The following APOOL variants were observed in gnomAD, a reference collection of about 807,000 sequenced individuals.
APOOL encodes apolipoprotein O like.
Under a neutral mutation model 23.1 loss-of-function variants are expected in APOOL, and 12 were observed. That is an observed-to-expected ratio of 0.52 (90% CI 0.33 to 0.84). APOOL has a LOEUF of 0.84. APOOL is among the 40% of genes least tolerant of loss of function. The probability of loss-of-function intolerance (pLI) is 0.02; values close to 1 mark genes in which losing one functional copy is unlikely to be tolerated. For synonymous variants in APOOL, 77 were observed against 69.9 expected, an observed-to-expected ratio of 1.10 and a Z score of -0.51; for missense variants, 212 against 199.6, an observed-to-expected ratio of 1.06 and a Z score of -0.37.
At chrX:85,079,389 C>T (rs1011583503) in intron 8 of APOOL, among the ~76,000 whole-genome samples, 1 of 111,659 alleles carries the variant, frequency 9.0e-6, no homozygotes, top group Non-Finnish European at 1.9e-5. Flanking sequence ...TGCTGGATTA[C>T]ATTTATTGAT....
In APOOL at chrX:85,052,336, C is replaced by A. The variant is rs747150712; in HGVS notation, c.240+828C>A. ...ACTTTAATGCTTAGCCTTCAATCAGCAATATCCATCAGCAGAGTGGTGGAG... is the reference window on the plus strand; with the variant it reads ...ACTTTAATGCTTAGCCTTCAATCAGAAATATCCATCAGCAGAGTGGTGGAG... On this transcript the variant is annotated intron_variant, in intron 3 of 8. Coordinates refer to ENST00000373173, the MANE Select transcript of APOOL (RefSeq NM_198450.6). 2.7e-5 allele frequency among the ~76,000 whole-genome samples: 3 copies of A among 112,004 alleles called. No individual in the cohort carries two copies. The South Asian group carries it at 1.1e-3, about 42-fold the overall frequency.
intron 1 of APOOL, among the ~76,000 whole-genome samples, chrX:85,037,644 A>G (rs747478914): frequency 1.8e-5 from 2 of 111,627 alleles, no homozygotes; most frequent in Admixed American, 9.5e-5. Flanking sequence ...ACATAGACCA[A>G]TGGAACAGAA....
rs1835168510 is a variant in APOOL at position 85,020,562 on chromosome X, C to G, written c.15+16635C>G. 2.7e-5 allele frequency among the ~76,000 whole-genome samples: 3 copies of G among 111,556 alleles called. No homozygotes were observed. The Admixed American group carries it at 2.8e-4, about 11-fold the overall frequency. On this transcript the variant is annotated intron_variant, in intron 1 of 8. Coordinates refer to ENST00000373173, the MANE Select transcript of APOOL (RefSeq NM_198450.6). ...CTAGCACCAGGCTGCATCCCACAGA[C>G]CCGGGCTCCAGACTTATGCAGCAGA... is the stretch of plus-strand genomic sequence containing the variant.
intron 1 of APOOL, among the ~76,000 whole-genome samples, chrX:85,039,117 A>C (rs1922323831): frequency 9.0e-6 from 1 of 110,787 alleles, no homozygotes; most frequent in Admixed American, 9.7e-5. Context: ...TGTTTTCATT[A>C]GTTTCAAATC....
rs1923757954 is a variant in APOOL, at chrX:85,074,073, AAAG to A, written c.567_569del (p.Glu190del). 1 of 1,169,831 alleles carries A rather than the reference AAAG, an allele frequency of 8.5e-7. No individual in the cohort carries two copies. Among genetic ancestry groups the A allele is most frequent in the Non-Finnish European group, 1.1e-6 (1 of 874,030 alleles). The stretch of plus-strand genomic sequence containing the variant: ...TAAATCATTGTGGACAAAAAGCAGC[AAAG>A]AAGAGTCACTCCCTAAACCTAAAGA... On this transcript the variant is annotated inframe_deletion, in exon 7 of 9. Transcript: ENST00000373173.
chrX:85,054,479 G>T, intron 4 of APOOL, 81 bp downstream of exon 4: 1 of 869,900 alleles, frequency 1.1e-6, no homozygotes, highest in Non-Finnish European at 1.6e-6. Context: ...AACTTGGTAT[G>T]TTACCCATTA....
chrX:85,067,664 A>ACACACG (rs2147658196), intron 6 of APOOL, among the ~76,000 whole-genome samples: 2 of 109,178 alleles, frequency 1.8e-5, no homozygotes, highest in East Asian at 5.7e-4. Flanking sequence ...ACACACACAC[A>ACACACG]CACGCACAGG....
intron 6 of APOOL, among the ~76,000 whole-genome samples, chrX:85,072,891 G>A (rs1246691816): frequency 8.9e-6 from 1 of 111,790 alleles, no homozygotes; most frequent in African/African-American, 3.2e-5. Flanking sequence ...AGATTGTATT[G>A]TATAATCTAT....
chrX:85,005,090 C>T (rs1305676535), intron 1 of APOOL, among the ~76,000 whole-genome samples: 1 of 111,259 alleles, frequency 9.0e-6, no homozygotes, highest in Non-Finnish European at 1.9e-5. Context: ...ATATGCAAAA[C>T]ACAAAAATGC....
chrX:85,035,181 G>A (rs1428504187), intron 1 of APOOL, among the ~76,000 whole-genome samples: 2 of 111,060 alleles, frequency 1.8e-5, no homozygotes, highest in African/African-American at 3.3e-5. Context: ...TCTCACTGTG[G>A]TTTTGATTTG....
At chrX:85,059,301 A>C (rs1455428962) in intron 5 of APOOL, among the ~76,000 whole-genome samples, 1 of 109,724 alleles carries the variant, frequency 9.1e-6, no homozygotes, top group African/African-American at 3.3e-5. Context: ...GGTTGGTTCC[A>C]AGTCTTTGCT....
At chrX:85,035,666 A>G (rs1922193609) in intron 1 of APOOL, among the ~76,000 whole-genome samples, 1 of 111,519 alleles carries the variant, frequency 9.0e-6, no homozygotes, top group African/African-American at 3.3e-5. Context: ...TCTTCTGCAT[A>G]GGGCCCACCA....
chrX:85,027,273 C>A (rs182297072), intron 1 of APOOL, among the ~76,000 whole-genome samples: 1 of 111,247 alleles, frequency 9.0e-6, no homozygotes, highest in Non-Finnish European at 1.9e-5. Context: ...AACTCACTGT[C>A]GTGAAGACAG....
chrX:85,051,582 A>T, intron 3 of APOOL, 74 bp downstream of exon 3: 4 of 1,141,014 alleles, frequency 3.5e-6, no homozygotes, highest in Non-Finnish European at 4.8e-6. Flanking sequence ...TGATGTGTAG[A>T]AAACTAATCC....
At chrX:85,058,548 T>C (rs1768662016) in intron 5 of APOOL, among the ~76,000 whole-genome samples, 1 of 111,951 alleles carries the variant, frequency 8.9e-6, no homozygotes, top group Non-Finnish European at 1.9e-5. Context: ...CACGCATGTA[T>C]CTTTATAATA....
chrX:85,040,688 T>C (rs1030188006), intron 1 of APOOL, among the ~76,000 whole-genome samples: 1 of 112,091 alleles, frequency 8.9e-6, no homozygotes, highest in Non-Finnish European at 1.9e-5. Context: ...TGTTAGTACT[T>C]CTGATTATAT....
chrX:85,085,615 C>A (rs779649924), intron 8 of APOOL, among the ~76,000 whole-genome samples: 96 of 111,881 alleles, frequency 8.6e-4, no homozygotes, highest in African/African-American at 2.8e-3. Flanking sequence ...AAATTAAATT[C>A]TTTTATGCAG....
At chrX:85,069,634 A>G (rs1304366748) in intron 6 of APOOL, among the ~76,000 whole-genome samples, 1 of 108,426 alleles carries the variant, frequency 9.2e-6, no homozygotes. Context: ...AAAAAAAAAA[A>G]AAATCTTTCC....
At chrX:85,008,084 G>T (rs954868665) in intron 1 of APOOL, among the ~76,000 whole-genome samples, 2 of 111,505 alleles carry the variant, frequency 1.8e-5, no homozygotes, top group Non-Finnish European at 3.8e-5. Flanking sequence ...GTAGCTATAA[G>T]ACCCTCTGGG....
Sources: allele counts gnomAD v4.1 joint callset (sites outside exome capture counted in the v4.1 genomes callset), GRCh38; gene constraint gnomAD v4.1.1; transcripts MANE v1.5; gene names NCBI Gene and HGNC (gene_info 2026-07-23, HGNC 2026-07-21).